CTNND2: variants seen among roughly 807,000 people sequenced by gnomAD.
CTNND2 encodes catenin delta 2.
In CTNND2, 22 loss-of-function variants were observed where a neutral mutation model predicts 144.4. The observed-to-expected ratio is 0.15, with a 90% CI of 0.11 to 0.22. The LOEUF (loss-of-function observed/expected upper bound fraction) is 0.22, where lower values mean the gene tolerates loss of function less well. Ranked by LOEUF, CTNND2 falls within the 10% of genes least tolerant of loss-of-function variation. CTNND2 has a pLI of 1.00. For synonymous variants in CTNND2, 751 were observed against 695.6 expected (o/e 1.08, Z -1.25); for missense variants, 1,353 against 1,618.8 (o/e 0.84, Z 2.82).
intron 2 of CTNND2, among the ~76,000 whole-genome samples, chr5:11,707,761 C>A (rs1263624857): frequency 6.6e-6 from 1 of 152,144 alleles, no homozygotes; most frequent in East Asian, 1.9e-4. Context: ...AGACACACAA[C>A]AATTTGCGAT....
intron 3 of CTNND2, among the ~76,000 whole-genome samples, chr5:11,530,807 TA>T (rs1480809660): frequency 6.6e-6 from 1 of 152,198 alleles, no homozygotes; most frequent in Non-Finnish European, 1.5e-5. Flanking sequence ...TGGATTTTGG[TA>T]CCAATTTTTG....
At chr5:11,176,786 C>A (rs935357790) in intron 11 of CTNND2, among the ~76,000 whole-genome samples, 2 of 152,094 alleles carry the variant, frequency 1.3e-5, no homozygotes, top group African/African-American at 4.8e-5. Context: ...GTGCTCACCC[C>A]CTCTGTTTAT....
chr5:11,666,823 G>T (rs1783591712), intron 2 of CTNND2, among the ~76,000 whole-genome samples: 1 of 152,024 alleles, frequency 6.6e-6, no homozygotes, highest in South Asian at 2.1e-4. Flanking sequence ...AGAATGTACA[G>T]GTTTGTTAAA....
intron 8 of CTNND2, among the ~76,000 whole-genome samples, chr5:11,359,759 TG>T (rs1756254217): frequency 6.6e-6 from 1 of 152,186 alleles, no homozygotes; most frequent in African/African-American, 2.4e-5. Context: ...CAAAGGTCTT[TG>T]GCTCTTATCT....
rs546662301 is a variant in CTNND2 at position 11,716,729 on chromosome 5, G to A, written c.174+15407C>T. Among the ~76,000 whole-genome samples the A allele has an allele frequency of 2.6e-4, 39 of 151,762 alleles. No individual in the cohort carries two copies. In the South Asian group the frequency reaches 7.5e-3, roughly 29 times the overall value. On this transcript the variant is annotated intron_variant, in intron 2 of 21. Transcript: ENST00000304623. ...TGAGACGGAGTCTTGCTCTGTCACC[G>A]AGGCTGGAGTGCAGTGGCGCAATCT...
rs541075727 is a variant in CTNND2, at chr5:11,789,131, C to G, written c.38-56859G>C. 9.2e-5 allele frequency among the ~76,000 whole-genome samples: 14 copies of G among 152,266 alleles called. 1 individual carries two copies. Among genetic ancestry groups the G allele is most frequent in the African/African-American group, 3.4e-4 (14 of 41,552 alleles). ...TTTACACTGTTGGTGGGACTGTAAA[C>G]TAGTCGACCATCATGGAAGACAGTG... is the stretch of plus-strand genomic sequence containing the variant. On this transcript the variant is annotated intron_variant, in intron 1 of 21. Transcript: ENST00000304623.
intron 1 of CTNND2, among the ~76,000 whole-genome samples, chr5:11,801,957 T>G (rs1037370782): frequency 6.6e-6 from 1 of 152,122 alleles, no homozygotes; most frequent in African/African-American, 2.4e-5. Context: ...CAAACTTTTC[T>G]GCAGGCTCGA....
chr5:11,241,483 A>G (rs1742445511), intron 9 of CTNND2, among the ~76,000 whole-genome samples: 1 of 152,230 alleles, frequency 6.6e-6, no homozygotes, highest in Admixed American at 6.5e-5. Flanking sequence ...TTGTGTCTCC[A>G]GGCAGTTGAC....
intron 1 of CTNND2, among the ~76,000 whole-genome samples, chr5:11,767,505 A>T (rs1789664286): frequency 6.6e-6 from 1 of 152,254 alleles, no homozygotes; most frequent in African/African-American, 2.4e-5. Flanking sequence ...GATGGTTTAG[A>T]AATGAACCAC....
chr5:11,199,784 CA>C lies in CTNND2; in HGVS notation c.1762-124del, dbSNP rs1423165410. On this transcript the variant is annotated intron_variant, in intron 10 of 21. Transcript: ENST00000304623. ...TCGCACCAAACTGAATTAAGGCATA[CA>C]AAAGGAAACAAGAAAAAAATAAGTG... is the stretch of plus-strand genomic sequence containing the variant. 1.8e-5 allele frequency: 12 copies of C among 668,214 alleles called. No individual in the cohort carries two copies. In the East Asian group the frequency reaches 3.3e-4, roughly 18 times the overall value. The allele number at this position is 668,214 out of a possible 1,614,324, so 41.4% of individuals were successfully genotyped here.
chr5:11,389,382 T>C (rs909459928), intron 6 of CTNND2, among the ~76,000 whole-genome samples: 2 of 152,198 alleles, frequency 1.3e-5, no homozygotes, highest in African/African-American at 2.4e-5. Context: ...AAGAAAAATA[T>C]GGAACATTAA....
At position 11,169,628 on chromosome 5, in the gene CTNND2, A is replaced by T. The variant is rs1197756851; in HGVS notation, c.1976-9869T>A. On this transcript the variant is annotated intron_variant, in intron 11 of 21. Coordinates refer to ENST00000304623, the MANE Select transcript of CTNND2 (RefSeq NM_001332.4). ...CTCTCTGGGTCTCGAGTGAGCATGCATATATAACCTCTTACAAAGATAGAG... is the reference window on the plus strand; with the variant it reads ...CTCTCTGGGTCTCGAGTGAGCATGCTTATATAACCTCTTACAAAGATAGAG... Among the ~76,000 whole-genome samples the T allele has an allele frequency of 2.0e-5, 3 of 152,208 alleles. No homozygotes were observed. In the East Asian group the frequency reaches 5.8e-4, roughly 29 times the overall value.
At chr5:11,474,888 A>G (rs1356924321) in intron 3 of CTNND2, among the ~76,000 whole-genome samples, 1 of 152,056 alleles carries the variant, frequency 6.6e-6, no homozygotes, top group Non-Finnish European at 1.5e-5. Flanking sequence ...CACCCGCCCT[A>G]TGTACACCTG....
At chr5:11,209,156 A>G (rs1291650073) in intron 10 of CTNND2, among the ~76,000 whole-genome samples, 1 of 152,212 alleles carries the variant, frequency 6.6e-6, no homozygotes, top group Non-Finnish European at 1.5e-5. Flanking sequence ...TTTTAACACA[A>G]TTTCAATCAA....
At chr5:11,858,713 A>C (rs996146496) in intron 1 of CTNND2, among the ~76,000 whole-genome samples, 2 of 152,206 alleles carry the variant, frequency 1.3e-5, no homozygotes, top group African/African-American at 4.8e-5. Flanking sequence ...GTGGATCACG[A>C]GGTCAGGAGA....
At chr5:11,174,638 T>C (rs748176537) in intron 11 of CTNND2, among the ~76,000 whole-genome samples, 4 of 152,170 alleles carry the variant, frequency 2.6e-5, no homozygotes, top group Non-Finnish European at 4.4e-5. Context: ...GAGGGTTGAT[T>C]GAGGACAAAT....
chr5:11,535,444 A>C (rs1281301705), intron 3 of CTNND2, among the ~76,000 whole-genome samples: 1 of 152,006 alleles, frequency 6.6e-6, no homozygotes, highest in East Asian at 1.9e-4. Context: ...TCCGTATATA[A>C]TTTTTTCCTA....
At chr5:11,282,804 T>C (rs188038936) in intron 9 of CTNND2, among the ~76,000 whole-genome samples, 2 of 152,334 alleles carry the variant, frequency 1.3e-5, no homozygotes, top group East Asian at 3.9e-4. Flanking sequence ...TTCAATTGTT[T>C]ATACAGGTTT....
chr5:11,519,246 C>A (rs1162337563), intron 3 of CTNND2, among the ~76,000 whole-genome samples: 3 of 152,134 alleles, frequency 2.0e-5, no homozygotes, highest in African/African-American at 7.2e-5. Flanking sequence ...CTTTTTAAAG[C>A]AAAACTTTTC....
Sources: gnomAD v4.1 joint callset for allele counts (sites outside exome capture counted in the v4.1 genomes callset) on GRCh38, gnomAD v4.1.1 for gene constraint, MANE v1.5 for transcripts, NCBI Gene and HGNC (gene_info 2026-07-23, HGNC 2026-07-21) for gene names.